Variants in MBOAT1 observed in about 807,000 individuals in gnomAD.
MBOAT1 encodes membrane-bound glycerophospholipid O-acyltransferase 1.
Under a neutral mutation model 64.4 loss-of-function variants are expected in MBOAT1, and 67 were observed. The observed-to-expected ratio is 1.04, with a 90% CI of 0.85 to 1.27. The LOEUF (loss-of-function observed/expected upper bound fraction) is 1.27, where lower values mean the gene tolerates loss of function less well. Ranked by LOEUF, MBOAT1 falls within the 50% of genes most tolerant of loss-of-function variation. The probability of loss-of-function intolerance (pLI) is 0.00; values close to 1 mark genes in which losing one functional copy is unlikely to be tolerated. For missense variants in MBOAT1, 563 were observed against 604.6 expected (o/e 0.93, Z 0.72); for synonymous variants, 229 against 218.9 (o/e 1.05, Z -0.41).
At chr6:20,199,259 A>G (rs1561786236) in intron 1 of MBOAT1, among the ~76,000 whole-genome samples, 1 of 152,218 alleles carries the variant, frequency 6.6e-6, no homozygotes, top group Non-Finnish European at 1.5e-5. Flanking sequence ...TTTTTAGTTT[A>G]TCATTAAGAT....
At chr6:20,118,562 A>G in intron 8 of MBOAT1, 22 bp from the exon 9 acceptor site, 3 of 1,585,316 alleles carry the variant, frequency 1.9e-6, no homozygotes, top group East Asian at 2.2e-5. Context: ...AAAGTAACAC[A>G]TTAGGATATG....
At chr6:20,190,913 A>C (rs1443071665) in intron 1 of MBOAT1, among the ~76,000 whole-genome samples, 4 of 152,218 alleles carry the variant, frequency 2.6e-5, no homozygotes, top group African/African-American at 9.7e-5. Flanking sequence ...TGATCTACAC[A>C]AATCTCATTA....
At chr6:20,148,918 T>C (rs545513824) in intron 3 of MBOAT1, among the ~76,000 whole-genome samples, 1 of 151,884 alleles carries the variant, frequency 6.6e-6, no homozygotes, top group Non-Finnish European at 1.5e-5. Context: ...CTGGCCAACA[T>C]AGTGAAACCC....
intron 1 of MBOAT1, among the ~76,000 whole-genome samples, chr6:20,178,021 G>T (rs568563283): frequency 7.2e-5 from 11 of 152,214 alleles, no homozygotes; most frequent in Non-Finnish European, 1.6e-4. Flanking sequence ...CGCAAGACTC[G>T]TGTCCCACAG....
At chr6:20,134,986 G>T (rs1166815314) in intron 4 of MBOAT1, among the ~76,000 whole-genome samples, 1 of 149,466 alleles carries the variant, frequency 6.7e-6, no homozygotes, top group Non-Finnish European at 1.5e-5. Flanking sequence ...ACAAAAAAAG[G>T]AGGAGATCCA....
In MBOAT1 at chr6:20,128,820, G is replaced by GTCT. The variant is rs1269463210; in HGVS notation, c.476-70_476-68dup. The GTCT allele has an allele frequency of 2.6e-6, 3 of 1,138,472 alleles. No homozygotes were observed. In the East Asian group the frequency reaches 7.3e-5, roughly 28 times the overall value. 70.5% of individuals were successfully genotyped at this position (1,138,472 alleles called of 1,614,324 possible). A position where few individuals can be genotyped will look rare whatever the true frequency, so the allele number is the denominator to read the frequency against. On this transcript the variant is annotated intron_variant, in intron 5 of 12. Transcript: ENST00000324607. Reference sequence around the variant, plus strand: ...GAATTAGATGACAAATTATAAAAGGGTCTTATCAAAGTCATTTGAACCAGG... The same window carrying GTCT: ...GAATTAGATGACAAATTATAAAAGGGTCTTCTTATCAAAGTCATTTGAACCAGG...
At chr6:20,199,913 A>G (rs935269552) in intron 1 of MBOAT1, among the ~76,000 whole-genome samples, 10 of 152,234 alleles carry the variant, frequency 6.6e-5, no homozygotes, top group African/African-American at 2.4e-4. Flanking sequence ...GGTTGCAGTG[A>G]GCCAAGATCG....
rs79305668 is a variant in MBOAT1 at position 20,131,243 on chromosome 6, T to C, written c.420-44A>G. The C allele has an allele frequency of 3.2e-3, 5,057 of 1,558,340 alleles. 130 individuals are homozygous for C. In the African/African-American group the frequency reaches 0.057, roughly 18 times the overall value. ...ATAATCAAGATTGGCAAGAAGGCCA[T>C]TGATGTGGTCTGGCTGTGCCCCCAC... On this transcript the variant is annotated intron_variant, in intron 4 of 12. Coordinates refer to ENST00000324607, the MANE Select transcript of MBOAT1 (RefSeq NM_001080480.3).
At chr6:20,198,626 T>G (rs1055149746) in intron 1 of MBOAT1, among the ~76,000 whole-genome samples, 8 of 152,228 alleles carry the variant, frequency 5.3e-5, no homozygotes, top group Admixed American at 1.3e-4. Context: ...CCATTTTTCT[T>G]GCTCTTTTCT....
chr6:20,209,941 C>T (rs1763373071), intron 1 of MBOAT1, among the ~76,000 whole-genome samples: 1 of 152,186 alleles, frequency 6.6e-6, no homozygotes, highest in Admixed American at 6.5e-5. Flanking sequence ...TCACAAATGG[C>T]AATGAAGTAA....
intron 4 of MBOAT1, among the ~76,000 whole-genome samples, chr6:20,139,452 T>C (rs1268647728): frequency 6.6e-6 from 1 of 151,652 alleles, no homozygotes; most frequent in African/African-American, 2.4e-5. Context: ...AAAGACTATT[T>C]CCAAATAAGG....
chr6:20,124,486 T>C lies in MBOAT1; in HGVS notation c.829A>G (p.Ser277Gly), dbSNP rs1330235526. 1.2e-6 allele frequency: 2 copies of C among 1,614,108 alleles called. No individual in the cohort carries two copies. Among genetic ancestry groups the C allele is most frequent in the Non-Finnish European group, 1.7e-6 (2 of 1,180,042 alleles). The stretch of plus-strand genomic sequence containing the variant: ...AAGTAGCAGAGTCGAGCCGGAAAGC[T>C]TGCTTTATGGACAAACCAGTCATCC... ...LVDDWFVHKASFPARLCYLYV... is the reference protein window; with the variant it reads ...LVDDWFVHKAGFPARLCYLYV... The change falls in exon 8 of 13, where the codon AGC (serine) becomes GGC (glycine). Residue 277 changes from serine (S) to glycine (G), a missense_variant. Transcript: ENST00000324607.
At position 20,190,941 on chromosome 6, in the gene MBOAT1, A is replaced by T. The variant is rs910993807; in HGVS notation, c.99+21195T>A. 6.6e-5 allele frequency among the ~76,000 whole-genome samples: 10 copies of T among 152,340 alleles called. No individual in the cohort carries two copies. In the East Asian group the frequency reaches 1.9e-3, roughly 29 times the overall value. ...TCTCATTAATAAGGAACTCTACTTT[A>T]TGATGAGTTGAAACCTACCTTCCTA... is the stretch of plus-strand genomic sequence containing the variant. On this transcript the variant is annotated intron_variant, in intron 1 of 12. Coordinates refer to ENST00000324607, the MANE Select transcript of MBOAT1 (RefSeq NM_001080480.3).
At chr6:20,157,391 C>T (rs1761726244) in intron 1 of MBOAT1, among the ~76,000 whole-genome samples, 1 of 152,060 alleles carries the variant, frequency 6.6e-6, no homozygotes, top group South Asian at 2.1e-4. Context: ...ATAGTTACAA[C>T]TATGTAAAAA....
At chr6:20,124,910 T>C (rs949693677) in intron 7 of MBOAT1, among the ~76,000 whole-genome samples, 2 of 152,158 alleles carry the variant, frequency 1.3e-5, no homozygotes, top group African/African-American at 4.8e-5. Context: ...GAGAAATGGA[T>C]AACAGGGTGG....
chr6:20,162,039 T>C (rs1469024024), intron 1 of MBOAT1, among the ~76,000 whole-genome samples: 1 of 152,164 alleles, frequency 6.6e-6, no homozygotes, highest in Non-Finnish European at 1.5e-5. Flanking sequence ...TGTGTGTGTC[T>C]GTGTCCTAAT....
At chr6:20,156,472 G>T (rs1013833301) in intron 1 of MBOAT1, among the ~76,000 whole-genome samples, 4 of 152,238 alleles carry the variant, frequency 2.6e-5, no homozygotes, top group Admixed American at 2.6e-4. Context: ...ATGGCAAACT[G>T]CTCTAAAGCA....
At position 20,144,202 on chromosome 6, in the gene MBOAT1, CTA is replaced by C. The variant is rs1394062570; in HGVS notation, c.419+16_419+17del. On this transcript the variant is annotated intron_variant, in intron 4 of 12. Coordinates refer to ENST00000324607, the MANE Select transcript of MBOAT1 (RefSeq NM_001080480.3). ...AAAGTCAGCAGTAAAACCCCTCTCTCTAATGTAAGATACTTACCCAGAAAAAT... is the reference window on the plus strand; with the variant it reads ...AAAGTCAGCAGTAAAACCCCTCTCTCATGTAAGATACTTACCCAGAAAAAT... 6.4e-7 allele frequency: 1 copy of C among 1,552,096 alleles called. No homozygotes were observed. The highest frequency in any genetic ancestry group is 1.1e-5 in the South Asian group (1 of 88,788).
At chr6:20,141,933 T>G (rs1761189981) in intron 4 of MBOAT1, among the ~76,000 whole-genome samples, 1 of 152,126 alleles carries the variant, frequency 6.6e-6, no homozygotes, top group Non-Finnish European at 1.5e-5. Context: ...CTGTCTTGCA[T>G]TTCTGTGCTC....
Sources: gnomAD v4.1 joint callset for allele counts (sites outside exome capture counted in the v4.1 genomes callset) on GRCh38, gnomAD v4.1.1 for gene constraint, MANE v1.5 for transcripts, NCBI Gene and HGNC (gene_info 2026-07-23, HGNC 2026-07-21) for gene names.